MAPKAPK5: variants seen among roughly 807,000 people sequenced by gnomAD.
MAPKAPK5 encodes MAPK activated protein kinase 5.
Under a neutral mutation model 65.1 loss-of-function variants are expected in MAPKAPK5, and 30 were observed. The observed-to-expected ratio is 0.46, with a 90% confidence interval of 0.34 to 0.63. The LOEUF is 0.63. Among genes scored for constraint, MAPKAPK5 ranks in the 20% least tolerant of loss-of-function variants. The pLI, the probability that MAPKAPK5 is intolerant of heterozygous loss-of-function variation, is 0.01. For missense variants in MAPKAPK5, 433 were observed against 581.4 expected (o/e 0.74, Z 2.63); for synonymous variants, 179 against 204.6 (o/e 0.87, Z 1.07).
chr12:111,868,049 C>A (rs773941718), intron 4 of MAPKAPK5, among the ~76,000 whole-genome samples: 1 of 151,984 alleles, frequency 6.6e-6, no homozygotes, highest in Non-Finnish European at 1.5e-5. Context: ...TGAAAGGGGC[C>A]CAAATATTAT....
At chr12:111,880,567 C>A in intron 8 of MAPKAPK5, 40 bp downstream of exon 8, 1 of 1,571,720 alleles carries the variant, frequency 6.4e-7, no homozygotes, top group Non-Finnish European at 8.8e-7. Flanking sequence ...ACAGATGCAG[C>A]CCCTCTCCTT....
chr12:111,885,097 A>G (rs1390831919), intron 9 of MAPKAPK5, among the ~76,000 whole-genome samples: 1 of 152,214 alleles, frequency 6.6e-6, no homozygotes, highest in Non-Finnish European at 1.5e-5. Flanking sequence ...TCCTGTCCCT[A>G]GAGCAACACT....
chr12:111,844,557 T>G (rs751664246), intron 1 of MAPKAPK5, among the ~76,000 whole-genome samples: 4 of 152,194 alleles, frequency 2.6e-5, no homozygotes, highest in Non-Finnish European at 5.9e-5. Flanking sequence ...GGGTTGTGAA[T>G]CAAAGCGTAT....
chr12:111,876,706 G>A (rs1045753408), intron 7 of MAPKAPK5, among the ~76,000 whole-genome samples: 1 of 152,106 alleles, frequency 6.6e-6, no homozygotes, highest in Non-Finnish European at 1.5e-5. Context: ...ACAGGGAACT[G>A]GAGTTCTGAT....
chr12:111,881,657 C>T (rs1007598080), intron 8 of MAPKAPK5, among the ~76,000 whole-genome samples: 5 of 152,042 alleles, frequency 3.3e-5, no homozygotes, highest in African/African-American at 7.3e-5. Context: ...CCACTCGCCT[C>T]GGCCTCACAA....
chr12:111,864,328 G>A lies in MAPKAPK5; in HGVS notation c.37-922G>A, dbSNP rs561945743. On this transcript the variant is annotated intron_variant, in intron 1 of 13. Coordinates refer to ENST00000550735, the MANE Select transcript of MAPKAPK5 (RefSeq NM_003668.4). ...CAATTCTCCTGCCTCAGCCTCCCGAGTAGCTGGGACTATAGGCACGCGCCA... is the reference window on the plus strand; with the variant it reads ...CAATTCTCCTGCCTCAGCCTCCCGAATAGCTGGGACTATAGGCACGCGCCA... 5.3e-5 allele frequency among the ~76,000 whole-genome samples: 8 copies of A among 152,260 alleles called. No homozygotes were observed. In the East Asian group the frequency reaches 1.5e-3, roughly 29 times the overall value.
In MAPKAPK5 at chr12:111,900,019, A is replaced by G. The variant is rs79879387; in HGVS notation, c.*6958A>G. On this transcript the variant is annotated 3_prime_UTR_variant, in exon 14 of 14. Coordinates refer to ENST00000550735, the MANE Select transcript of MAPKAPK5 (RefSeq NM_003668.4). ...TTCCAGATGTGGGGCAGTAACGTCA[A>G]TGAGACGGTCCAGACAGTAGTGGAT... is the stretch of plus-strand genomic sequence containing the variant. 3.5e-5 allele frequency: 16 copies of G among 456,100 alleles called. No individual in the cohort carries two copies. In the East Asian group the frequency reaches 8.3e-4, roughly 24 times the overall value. 28.3% of individuals were successfully genotyped at this position (456,100 alleles called of 1,614,324 possible). A position where few individuals can be genotyped will look rare whatever the true frequency, so the allele number is the denominator to read the frequency against.
At position 111,899,642 on chromosome 12, in the gene MAPKAPK5, C is replaced by T. The variant is rs1414253674; in HGVS notation, c.*6581C>T. 1.0e-5 allele frequency: 3 copies of T among 288,824 alleles called. No homozygotes were observed. The highest frequency in any genetic ancestry group is 1.7e-4 in the East Asian group (2 of 12,026). 17.9% of individuals were successfully genotyped at this position (288,824 alleles called of 1,614,324 possible). A position where few individuals can be genotyped will look rare whatever the true frequency, so the allele number is the denominator to read the frequency against. On this transcript the variant is annotated 3_prime_UTR_variant, in exon 14 of 14. Transcript: ENST00000550735. The stretch of plus-strand genomic sequence containing the variant: ...ATTTTGTGAATAACTTTCCAGTCTA[C>T]AGTTACCACAATGGCCTCCTGGGGC...
chr12:111,855,975 C>T (rs2069226432), intron 1 of MAPKAPK5, among the ~76,000 whole-genome samples: 1 of 151,728 alleles, frequency 6.6e-6, no homozygotes, highest in African/African-American at 2.4e-5. Flanking sequence ...CCTGCCTCAG[C>T]CTCCCGAGTA....
chr12:111,860,663 G>T lies in MAPKAPK5; in HGVS notation c.37-4587G>T, dbSNP rs939485995. 2.6e-5 allele frequency among the ~76,000 whole-genome samples: 4 copies of T among 152,174 alleles called. No individual in the cohort carries two copies. In the East Asian group the frequency reaches 7.7e-4, roughly 29 times the overall value. ...AGCAGTGGGGATAGAGGAGTAGAAG[G>T]ATGGCAGGATCCTAGGCTAGAAAGC... On this transcript the variant is annotated intron_variant, in intron 1 of 13. Coordinates refer to ENST00000550735, the MANE Select transcript of MAPKAPK5 (RefSeq NM_003668.4).
chr12:111,875,282 C>G (rs2069924775), intron 7 of MAPKAPK5, among the ~76,000 whole-genome samples: 1 of 152,000 alleles, frequency 6.6e-6, no homozygotes, highest in South Asian at 2.1e-4. Flanking sequence ...AAAAGTTGAG[C>G]TGAGTGTGAG....
rs1235403046 is a variant in MAPKAPK5, at chr12:111,842,778, G to A, written c.36+9G>A. 1 of 1,325,362 alleles carries A rather than the reference G, an allele frequency of 7.5e-7. No individual in the cohort carries two copies. Among genetic ancestry groups the A allele is most frequent in the East Asian group, 2.8e-5 (1 of 35,604 alleles). 82.1% of individuals were successfully genotyped at this position (1,325,362 alleles called of 1,614,324 possible). ...TGGACAAAGCCATCAAGGTAAGGGG[G>A]AGGTGCCCCCTCTTCCCCCGCGTTG... On this transcript the variant is annotated intron_variant, in intron 1 of 13. Coordinates refer to ENST00000550735, the MANE Select transcript of MAPKAPK5 (RefSeq NM_003668.4).
At chr12:111,881,594 T>G (rs7961704) in intron 8 of MAPKAPK5, among the ~76,000 whole-genome samples, 2 of 150,642 alleles carry the variant, frequency 1.3e-5, no homozygotes, top group African/African-American at 4.9e-5. Context: ...TTAGGAGAGA[T>G]GAGGATTCAC....
intron 1 of MAPKAPK5, among the ~76,000 whole-genome samples, chr12:111,847,661 T>C (rs1187716488): frequency 1.3e-5 from 2 of 152,216 alleles, no homozygotes; most frequent in African/African-American, 4.8e-5. Flanking sequence ...TACAGTTCAG[T>C]ACATTCAGTG....
intron 8 of MAPKAPK5, 123 bp downstream of exon 8, chr12:111,880,650 A>C (rs1319578740): frequency 5.2e-6 from 4 of 771,308 alleles, no homozygotes; most frequent in East Asian, 5.4e-5. Context: ...TGCCCCAAAG[A>C]AGCAGCCAGA....
chr12:111,897,022 C>T lies in MAPKAPK5; in HGVS notation c.*3961C>T. ...TGGCACATGCCTGTAATCCCAGCTGCTCGGGAGGCTGAGGCAGGAGAATTG... is the reference window on the plus strand; with the variant it reads ...TGGCACATGCCTGTAATCCCAGCTGTTCGGGAGGCTGAGGCAGGAGAATTG... On this transcript the variant is annotated 3_prime_UTR_variant, in exon 14 of 14. Transcript: ENST00000550735. 6.6e-6 allele frequency: 1 copy of T among 152,450 alleles called. No individual in the cohort carries two copies. The highest frequency in any genetic ancestry group is 1.5e-5 in the Non-Finnish European group (1 of 68,136). The allele number at this position is 152,450 out of a possible 1,614,324, so 9.4% of individuals were successfully genotyped here.
chr12:111,860,523 G>C lies in MAPKAPK5; in HGVS notation c.37-4727G>C, dbSNP rs182121428. Among the ~76,000 whole-genome samples the C allele has an allele frequency of 2.4e-3, 359 of 152,276 alleles. 4 individuals carry two copies. Among genetic ancestry groups the C allele is most frequent in the Non-Finnish European group, 2.0e-3 (134 of 68,018 alleles). On this transcript the variant is annotated intron_variant, in intron 1 of 13. Transcript: ENST00000550735. Reference sequence around the variant, plus strand: ...CACCACTTTTAGCTGGTAGATCCATGAATTTTCTTCCTCACCCCAAATTGA... The same window carrying C: ...CACCACTTTTAGCTGGTAGATCCATCAATTTTCTTCCTCACCCCAAATTGA...
chr12:111,878,447 A>C (rs973709134), intron 7 of MAPKAPK5, among the ~76,000 whole-genome samples: 3 of 151,780 alleles, frequency 2.0e-5, no homozygotes, highest in Non-Finnish European at 4.4e-5. Flanking sequence ...TTTGAGACGG[A>C]GTCTCACTCT....
chr12:111,856,911 C>G (rs2069259661), intron 1 of MAPKAPK5, among the ~76,000 whole-genome samples: 1 of 152,100 alleles, frequency 6.6e-6, no homozygotes, highest in African/African-American at 2.4e-5. Flanking sequence ...TTTTTTCCCT[C>G]TTGATCCAAG....
Sources: allele counts gnomAD v4.1 joint callset (sites outside exome capture counted in the v4.1 genomes callset), GRCh38; gene constraint gnomAD v4.1.1; transcripts MANE v1.5; gene names NCBI Gene and HGNC (gene_info 2026-07-23, HGNC 2026-07-21).